The following TCF3 variants were observed in gnomAD, a reference collection of about 807,000 sequenced individuals.
The protein encoded by TCF3 is transcription factor E2-alpha.
In TCF3, 54 loss-of-function variants were observed where a neutral mutation model predicts 72.3. The observed-to-expected ratio is 0.75, with a 90% CI of 0.60 to 0.94. The LOEUF is 0.94. Ranked by LOEUF, TCF3 falls within the 40% of genes least tolerant of loss-of-function variation. The pLI is 0.00. For missense variants in TCF3, 1,078 were observed against 934.4 expected, an observed-to-expected ratio of 1.15 and a Z score of -2.00; for synonymous variants, 525 against 412.6, an observed-to-expected ratio of 1.27 and a Z score of -3.30.
intron 5 of TCF3, 135 bp downstream of exon 5, chr19:1,631,903 C>A (rs1256062435): frequency 2.6e-6 from 4 of 1,531,764 alleles, no homozygotes; most frequent in Middle Eastern, 2.2e-4. Flanking sequence ...CCAGGACGGG[C>A]AGAGGCTTCG....
chr19:1,635,211 C>T (rs548499192), intron 3 of TCF3, among the ~76,000 whole-genome samples: 6 of 152,332 alleles, frequency 3.9e-5, no homozygotes, highest in African/African-American at 9.6e-5. Flanking sequence ...AATGTGCCCC[C>T]ACTCAGGTGC....
At chr19:1,633,092 G>A (rs1298532942) in intron 3 of TCF3, among the ~76,000 whole-genome samples, 1 of 152,120 alleles carries the variant, frequency 6.6e-6, no homozygotes, top group Non-Finnish European at 1.5e-5. Flanking sequence ...TTGGTCCCGG[G>A]GCGGGGCGGG....
At chr19:1,616,954 G>A (rs1038300311) in intron 16 of TCF3, among the ~76,000 whole-genome samples, 1 of 152,088 alleles carries the variant, frequency 6.6e-6, no homozygotes, top group African/African-American at 2.4e-5. Context: ...CAAAAAGAAA[G>A]TAACTCAGTA....
rs914309057 is a variant in TCF3 at position 1,625,695 on chromosome 19, G to A, written c.380C>T (p.Ser127Leu). The A allele has an allele frequency of 4.0e-5, 60 of 1,515,394 alleles. No individual in the cohort carries two copies. The highest frequency in any genetic ancestry group is 5.2e-5 in the Non-Finnish European group (59 of 1,137,636). The allele number at this position is 1,515,394 out of a possible 1,614,324, so 93.9% of individuals were successfully genotyped here. The change falls in exon 7 of 19, where the codon TCA becomes TTA. Residue 127 changes from serine to leucine, a missense_variant. Physicochemically the swap from Ser to Leu is moderately radical, Grantham distance 145 (BLOSUM62 -2). Transcript: ENST00000262965. ...GGGGCTGTTGAGGGCCAGCTCGCCT[G>A]ACAGGAAGCCAGCCTGGTGGGGAGC... Reference protein sequence around the residue: ...VGGLTQAGFLSGELALNSPGP... With the variant: ...VGGLTQAGFLLGELALNSPGP...
intron 5 of TCF3, among the ~76,000 whole-genome samples, chr19:1,629,807 T>C (rs2063479552): frequency 6.6e-6 from 1 of 152,204 alleles, no homozygotes; most frequent in African/African-American, 2.4e-5. Flanking sequence ...GATTTTTGAA[T>C]TTTAAAAGTT....
At chr19:1,640,858 T>G (rs1371594948) in intron 3 of TCF3, among the ~76,000 whole-genome samples, 2 of 148,858 alleles carry the variant, frequency 1.3e-5, no homozygotes, top group Non-Finnish European at 3.0e-5. Context: ...GTTAAAAAGT[T>G]AATGAGGCGG....
chr19:1,615,568 G>A lies in TCF3; in HGVS notation c.1587-48C>T, dbSNP rs778662797. ...GGGCCAGAGGGAGACAGTGAGGTTG[G>A]GGGAAGAGCGTGGGGCCCGCCGACG... On this transcript the variant is annotated intron_variant, in intron 17 of 18. Transcript: ENST00000262965. This position sits in a 1 kb window ranked among gnomAD's most constrained non-coding sequence, Gnocchi z 7.3. The A allele has an allele frequency of 8.7e-6, 14 of 1,604,784 alleles. No homozygotes were observed. The highest frequency in any genetic ancestry group is 1.6e-4 in the Middle Eastern group (1 of 6,078).
intron 14 of TCF3, 139 bp from the exon 15 acceptor site, chr19:1,619,613 C>G: frequency 7.4e-7 from 1 of 1,342,962 alleles, no homozygotes; most frequent in Admixed American, 2.5e-5. Flanking sequence ...AGGCATCTGG[C>G]GCCCGGGAGC....
chr19:1,612,420 C>A lies in TCF3; in HGVS notation c.1823-571G>T, dbSNP rs780506988. 5.0e-6 allele frequency: 8 copies of A among 1,613,340 alleles called. No individual in the cohort carries two copies. In the South Asian group the frequency reaches 7.7e-5, roughly 16 times the overall value. On this transcript the variant is annotated intron_variant, in intron 18 of 18. Transcript: ENST00000262965. ...AGGTCTTTCTCCTCCAGGGACAGCA[C>A]CTCGTCCGTACTGCTGGGTCACAGC...
At chr19:1,635,723 A>AT (rs1163306800) in intron 3 of TCF3, among the ~76,000 whole-genome samples, 1 of 152,198 alleles carries the variant, frequency 6.6e-6, no homozygotes, top group East Asian at 1.9e-4. Context: ...CGTGGCCAGC[A>AT]TTTTTTCAAG....
At chr19:1,638,633 G>A (rs1473510654) in intron 3 of TCF3, among the ~76,000 whole-genome samples, 1 of 152,238 alleles carries the variant, frequency 6.6e-6, no homozygotes, top group East Asian at 1.9e-4. Context: ...GAAGGGGGCA[G>A]ATGCGATTTC....
intron 2 of TCF3, among the ~76,000 whole-genome samples, chr19:1,649,372 C>T (rs1271800434): frequency 6.6e-6 from 1 of 152,246 alleles, no homozygotes. Context: ...GTTGTGTCTG[C>T]CCTGTTCACG....
At chr19:1,630,542 A>C (rs1310774366) in intron 5 of TCF3, among the ~76,000 whole-genome samples, 2 of 152,140 alleles carry the variant, frequency 1.3e-5, no homozygotes, top group East Asian at 3.9e-4. Flanking sequence ...AACAATGCCG[A>C]GGGGTACACG....
At chr19:1,630,775 T>G (rs2063611357) in intron 5 of TCF3, among the ~76,000 whole-genome samples, 1 of 152,050 alleles carries the variant, frequency 6.6e-6, no homozygotes. Context: ...GCGGGACCCC[T>G]GAGGCCCTTA....
intron 16 of TCF3, among the ~76,000 whole-genome samples, chr19:1,616,183 G>A (rs904694936): frequency 6.6e-5 from 10 of 152,056 alleles, no homozygotes; most frequent in South Asian, 2.1e-4. Flanking sequence ...GGAACACTTC[G>A]GATGGGCACA....
intron 7 of TCF3, 57 bp from the exon 8 acceptor site, chr19:1,624,057 C>CT: frequency 6.4e-7 from 1 of 1,564,094 alleles, no homozygotes. Context: ...AACCCCTGCC[C>CT]TACACCCTGG....
chr19:1,611,458 G>T lies in TCF3; in HGVS notation c.*249C>A, dbSNP rs894601309. The T allele has an allele frequency of 1.2e-5, 6 of 485,216 alleles. No individual in the cohort carries two copies. The East Asian group carries it at 1.9e-4, about 16-fold the overall frequency. The allele number at this position is 485,216 out of a possible 1,614,324, so 30.1% of individuals were successfully genotyped here. ...CATGGGACAGGTCACAGAGTGACAC[G>T]GTGGCTGAGATTCGGGGACAGGGGG... is the stretch of plus-strand genomic sequence containing the variant. On this transcript the variant is annotated 3_prime_UTR_variant, in exon 19 of 19. Transcript: ENST00000262965.
chr19:1,621,469 G>A (rs2062200384), intron 11 of TCF3, among the ~76,000 whole-genome samples: 1 of 151,094 alleles, frequency 6.6e-6, no homozygotes, highest in East Asian at 1.9e-4. Context: ...CCCTCTCTGG[G>A]CCTGGGTAAC....
chr19:1,623,755 T>C (rs2062545516), intron 8 of TCF3, among the ~76,000 whole-genome samples, 196 bp downstream of exon 8: 1 of 152,154 alleles, frequency 6.6e-6, no homozygotes, highest in Non-Finnish European at 1.5e-5. Flanking sequence ...AGACAGAGGC[T>C]GGACCTAGGG....
Sources: allele counts gnomAD v4.1 joint callset (sites outside exome capture counted in the v4.1 genomes callset), GRCh38; gene constraint gnomAD v4.1.1; non-coding constraint Gnocchi (gnomAD v3.1); transcripts MANE v1.5; gene names NCBI Gene and HGNC (gene_info 2026-07-23, HGNC 2026-07-21).